The following WDR49 variants were observed in gnomAD, a reference collection of about 807,000 sequenced individuals.
WDR49 encodes the protein WD repeat domain 49.
In WDR49, 107 loss-of-function variants were observed where a neutral mutation model predicts 119.5. That is an observed-to-expected ratio of 0.90 (90% CI 0.77 to 1.05). The LOEUF (loss-of-function observed/expected upper bound fraction) is 1.05, where lower values mean the gene tolerates loss of function less well. WDR49 is among the 50% of genes least tolerant of loss of function. WDR49 has a pLI of 0.00. For missense variants in WDR49, 1,240 were observed against 1,220.5 expected (o/e 1.02, Z -0.24); for synonymous variants, 425 against 418.8 (o/e 1.01, Z -0.18).
In WDR49 at chr3:167,575,023, G is replaced by A. The variant is rs139434852; in HGVS notation, c.1509+895C>T. The A allele has an allele frequency of 5.8e-4, 573 of 983,710 alleles. 2 individuals carry two copies. In the African/African-American group the frequency reaches 9.3e-3, roughly 16 times the overall value. 60.9% of individuals were successfully genotyped at this position (983,710 alleles called of 1,614,324 possible). On this transcript the variant is annotated intron_variant, in intron 8 of 18. Coordinates refer to ENST00000682715, the MANE Select transcript of WDR49 (RefSeq NM_001366157.1). ...TAACAAAGGGCTTTCCACCCCTTGC[G>A]CAAAATCTCCACTAGTCATTTCTAT...
At chr3:167,569,019 T>C (rs926358792) in intron 8 of WDR49, among the ~76,000 whole-genome samples, 8 of 151,938 alleles carry the variant, frequency 5.3e-5, no homozygotes, top group Admixed American at 3.3e-4. Context: ...CTTAGCTCAC[T>C]GTAACCTCTG....
chr3:167,562,201 TAC>T (rs1713306997), intron 8 of WDR49, among the ~76,000 whole-genome samples: 1 of 152,128 alleles, frequency 6.6e-6, no homozygotes, highest in African/African-American at 2.4e-5. Context: ...AAAAGAGTAA[TAC>T]AGTGTTTTTT....
chr3:167,483,958 A>G (rs945829201), intron 18 of WDR49, among the ~76,000 whole-genome samples: 7 of 152,254 alleles, frequency 4.6e-5, no homozygotes, highest in Admixed American at 3.3e-4. Flanking sequence ...TATTCATAGT[A>G]ACATCTGCTA....
At chr3:167,598,969 G>T (rs1307895064) in intron 7 of WDR49, among the ~76,000 whole-genome samples, 3 of 152,132 alleles carry the variant, frequency 2.0e-5, no homozygotes, top group Non-Finnish European at 2.9e-5. Context: ...ACCACTTGGG[G>T]CTGATGGTGG....
At chr3:167,505,615 A>C (rs555750363) in intron 16 of WDR49, among the ~76,000 whole-genome samples, 199 bp from the exon 17 acceptor site, 2 of 152,246 alleles carry the variant, frequency 1.3e-5, no homozygotes, top group Non-Finnish European at 2.9e-5. Flanking sequence ...GTGATAATAG[A>C]AAAGAGTGAG....
At chr3:167,504,988 G>A (rs1422602027) in intron 17 of WDR49, among the ~76,000 whole-genome samples, 1 of 152,136 alleles carries the variant, frequency 6.6e-6, no homozygotes, top group African/African-American at 2.4e-5. Context: ...TGTACAGCCT[G>A]CAGAACTGTG....
intron 18 of WDR49, among the ~76,000 whole-genome samples, chr3:167,481,169 C>G (rs1045140347): frequency 5.9e-5 from 9 of 151,312 alleles, no homozygotes; most frequent in Non-Finnish European, 1.3e-4. Flanking sequence ...AAACTAAAAC[C>G]AATCAAATTG....
At chr3:167,482,296 C>A (rs1488777329) in intron 18 of WDR49, among the ~76,000 whole-genome samples, 1 of 151,998 alleles carries the variant, frequency 6.6e-6, no homozygotes, top group Non-Finnish European at 1.5e-5. Context: ...TCCTTCAAAT[C>A]CAAAAACTAT....
chr3:167,570,649 T>C (rs1713881583), intron 8 of WDR49, among the ~76,000 whole-genome samples: 1 of 152,230 alleles, frequency 6.6e-6, no homozygotes, highest in Non-Finnish European at 1.5e-5. Context: ...TATACATGTA[T>C]ACATAATGGA....
At chr3:167,644,426 C>T (rs981081749) in intron 2 of WDR49, among the ~76,000 whole-genome samples, 2 of 152,076 alleles carry the variant, frequency 1.3e-5, no homozygotes, top group African/African-American at 4.8e-5. Context: ...TAAATATGTA[C>T]ATTTTTTATT....
In WDR49 at chr3:167,585,401, TG is replaced by T. The variant is rs1258632501; in HGVS notation, c.1276-9251del. ...GGTCTTAAAAGGGTGCGTGTGTGTG[TG>T]TGTGTGTGTGTGTGTGTGTGTGTGT... On this transcript the variant is annotated intron_variant, in intron 7 of 18. Coordinates refer to ENST00000682715, the MANE Select transcript of WDR49 (RefSeq NM_001366157.1). Among the ~76,000 whole-genome samples the T allele has an allele frequency of 4.9e-5, 7 of 143,190 alleles. No individual in the cohort carries two copies. The East Asian group carries it at 1.0e-3, about 20-fold the overall frequency. 93.9% of individuals were successfully genotyped at this position (143,190 alleles called of 152,430 possible).
intron 3 of WDR49, among the ~76,000 whole-genome samples, chr3:167,626,020 G>A (rs1717115313): frequency 6.6e-6 from 1 of 151,660 alleles, no homozygotes; most frequent in Non-Finnish European, 1.5e-5. Context: ...GATCTTCGTT[G>A]AAACAAACTA....
Position 167,621,487 on chromosome 3 carries a change from A to C in WDR49, c.763T>G (p.Phe255Val), listed in dbSNP as rs1285541155. 1 of 1,533,298 alleles carries C rather than the reference A, an allele frequency of 6.5e-7. No individual in the cohort carries two copies. Among genetic ancestry groups the C allele is most frequent in the East Asian group, 2.4e-5 (1 of 40,860 alleles). The allele number at this position is 1,533,298 out of a possible 1,614,324, so 95.0% of individuals were successfully genotyped here. A position where few individuals can be genotyped will look rare whatever the true frequency, so the allele number is the denominator to read the frequency against. The stretch of plus-strand genomic sequence containing the variant: ...CTTACCTTTCCAGTTATATCCCCAA[A>C]AGAAAGAATTGATTCATTGGCATCA... ...PLDANESILS[F>V]GDITGKVQAI... Residue 255 changes from phenylalanine to valine, a missense_variant, in exon 4 of 19, where the codon TTT (phenylalanine) becomes GTT (valine). Transcript: ENST00000682715.
At chr3:167,602,478 A>T (rs954890781) in intron 6 of WDR49, among the ~76,000 whole-genome samples, 1 of 152,086 alleles carries the variant, frequency 6.6e-6, no homozygotes, top group African/African-American at 2.4e-5. Flanking sequence ...AAATGGAGGG[A>T]TTAGGGAAGA....
intron 8 of WDR49, chr3:167,566,952 G>C: frequency 3.3e-6 from 2 of 610,804 alleles, no homozygotes; most frequent in South Asian, 2.0e-5. Flanking sequence ...AGAGACCAAA[G>C]AGGTGGAGGA....
rs1004381156 is a variant in WDR49 at position 167,592,509 on chromosome 3, A to G, written c.1275+9618T>C. On this transcript the variant is annotated intron_variant, in intron 7 of 18. Transcript: ENST00000682715. Reference sequence around the variant, plus strand: ...GAGTGCAATAGCACCATCTCAGCTCACTGAAACCTCTACCTCCTGGGTTCA... The same window carrying G: ...GAGTGCAATAGCACCATCTCAGCTCGCTGAAACCTCTACCTCCTGGGTTCA... Among the ~76,000 whole-genome samples the G allele has an allele frequency of 4.0e-5, 6 of 148,524 alleles. No homozygotes were observed. In the South Asian group the frequency reaches 6.3e-4, roughly 16 times the overall value.
chr3:167,531,548 A>T (rs1005106393), intron 12 of WDR49, among the ~76,000 whole-genome samples: 1 of 152,134 alleles, frequency 6.6e-6, no homozygotes, highest in African/African-American at 2.4e-5. Context: ...TATTGGCATC[A>T]ATGCTAACAT....
At chr3:167,576,489 G>T (rs1250871746) in intron 7 of WDR49, among the ~76,000 whole-genome samples, 1 of 152,094 alleles carries the variant, frequency 6.6e-6, no homozygotes, top group East Asian at 1.9e-4. Flanking sequence ...TGTTATCTTA[G>T]GTGGCAAAAG....
Position 167,478,711 on chromosome 3 carries a change from A to G in WDR49, c.*167T>C. The G allele has an allele frequency of 2.3e-6, 1 of 432,308 alleles. No individual in the cohort carries two copies. Among genetic ancestry groups the G allele is most frequent in the Non-Finnish European group, 4.0e-6 (1 of 247,986 alleles). 26.8% of individuals were successfully genotyped at this position (432,308 alleles called of 1,614,324 possible). The stretch of plus-strand genomic sequence containing the variant: ...TAGTTCAATATTTATTTTATTAAGA[A>G]TACAGAGAAATTGACAGATGATAGA... On this transcript the variant is annotated 3_prime_UTR_variant, in exon 19 of 19. Transcript: ENST00000682715.
Sources: gnomAD v4.1 joint callset for allele counts (sites outside exome capture counted in the v4.1 genomes callset) on GRCh38, gnomAD v4.1.1 for gene constraint, MANE v1.5 for transcripts, NCBI Gene and HGNC (gene_info 2026-07-23, HGNC 2026-07-21) for gene names.